KIF26B: variants seen among roughly 807,000 people sequenced by gnomAD.
The protein encoded by KIF26B is kinesin family member 26B, also known as kinesin-like protein KIF26B.
In KIF26B, 63 loss-of-function variants were observed where a neutral mutation model predicts 151.2. The observed-to-expected ratio is 0.42, with a 90% CI of 0.34 to 0.51. KIF26B has a LOEUF of 0.51. Ranked by LOEUF, KIF26B falls within the 20% of genes least tolerant of loss-of-function variation. The probability of loss-of-function intolerance (pLI) is 0.07; values close to 1 mark genes in which losing one functional copy is unlikely to be tolerated. For synonymous variants in KIF26B, 1,357 were observed against 1,262.1 expected (o/e 1.08, Z -1.59); for missense variants, 2,813 against 2,913.6 (o/e 0.97, Z 0.79).
chr1:245,342,127 A>G (rs1004058836), intron 2 of KIF26B, among the ~76,000 whole-genome samples: 1 of 152,228 alleles, frequency 6.6e-6, no homozygotes, highest in African/African-American at 2.4e-5. Context: ...TTGGCCGTAG[A>G]CATTTAATTC....
chr1:245,665,706 CT>C (rs915215890), intron 10 of KIF26B, among the ~76,000 whole-genome samples: 5 of 89,186 alleles, frequency 5.6e-5, no homozygotes, highest in African/African-American at 2.3e-4. Context: ...AACATTATAT[CT>C]TTTTTTTATT....
chr1:245,686,323 G>C lies in KIF26B; in HGVS notation c.3340G>C (p.Ala1114Pro), dbSNP rs749514492. 1 of 1,613,192 alleles carries C rather than the reference G, an allele frequency of 6.2e-7. No individual in the cohort carries two copies. Among genetic ancestry groups the C allele is most frequent in the East Asian group, 2.2e-5 (1 of 44,872 alleles). Residue 1114 changes from alanine (A) to proline (P), a missense_variant, in exon 12 of 15, where the codon GCG (alanine) becomes CCG (proline). Physicochemically the swap from Ala to Pro is conservative, Grantham distance 27. This residue lies in a region of KIF26B where 2,060 missense variants were observed against 2,088.6 expected (regional missense o/e 0.99). Transcript: ENST00000407071. The surrounding 1 kb of genome is among the most constrained non-coding windows in gnomAD (Gnocchi z 5.6). ...TCCCTCGAGCAAGGATTCCGGCGTG[G>C]CGTCTAGGGAGTCCTTGCTGCAGCC... ...LPPSSKDSGV[A>P]SRESLLQPEV...
intron 2 of KIF26B, among the ~76,000 whole-genome samples, chr1:245,286,449 C>T (rs10924153): frequency 0.47 from 72,081 of 151,772 alleles, 17,376 homozygotes; most frequent in East Asian, 0.65. Flanking sequence ...GGGCGAGGCA[C>T]GAGAATTGCT....
At chr1:245,545,243 A>G (rs1404214653) in intron 5 of KIF26B, among the ~76,000 whole-genome samples, 1 of 152,154 alleles carries the variant, frequency 6.6e-6, no homozygotes, top group Non-Finnish European at 1.5e-5. Context: ...CTGGGATTAC[A>G]GGCATGCGCC....
chr1:245,156,493 T>C lies in KIF26B; in HGVS notation c.275T>C (p.Ile92Thr). The C allele has an allele frequency of 6.6e-7, 1 of 1,526,000 alleles. No homozygotes were observed. Among genetic ancestry groups the C allele is most frequent in the Non-Finnish European group, 8.8e-7 (1 of 1,139,660 alleles). The allele number at this position is 1,526,000 out of a possible 1,614,324, so 94.5% of individuals were successfully genotyped here. ...TCCCCGGGACCCGCCTCCCCCGGCA[T>C]CGGCACTAGTTCGCCGGGCTCCTTG... is the stretch of plus-strand genomic sequence containing the variant. ...TGSPGPASPGIGTSSPGSLGG... is the reference protein window; with the variant it reads ...TGSPGPASPGTGTSSPGSLGG... The change falls in exon 2 of 15, where the codon ATC (isoleucine) becomes ACC (threonine). Residue 92 changes from isoleucine to threonine, a missense_variant. This residue lies in a region of KIF26B where 676 missense variants were observed against 688.1 expected (regional missense o/e 0.98). Coordinates refer to ENST00000407071, the MANE Select transcript of KIF26B (RefSeq NM_018012.4).
At chr1:245,285,538 C>T (rs564698250) in intron 2 of KIF26B, among the ~76,000 whole-genome samples, 8 of 151,406 alleles carry the variant, frequency 5.3e-5, no homozygotes, top group Non-Finnish European at 8.8e-5. Flanking sequence ...CATTCTCAAA[C>T]GTTTACATTT....
At chr1:245,392,144 C>G (rs1673716945) in intron 3 of KIF26B, among the ~76,000 whole-genome samples, 1 of 151,940 alleles carries the variant, frequency 6.6e-6, no homozygotes, top group Admixed American at 6.5e-5. Context: ...TTATGAAGAG[C>G]TCCTGAAACG....
chr1:245,577,897 C>T (rs1314283637), intron 5 of KIF26B, among the ~76,000 whole-genome samples: 6 of 150,522 alleles, frequency 4.0e-5, no homozygotes, highest in East Asian at 2.0e-4. Flanking sequence ...TGTGGAACTC[C>T]GGGCGATGCT....
At chr1:245,591,569 A>C (rs1454662499) in intron 5 of KIF26B, among the ~76,000 whole-genome samples, 2 of 152,156 alleles carry the variant, frequency 1.3e-5, no homozygotes, top group Non-Finnish European at 2.9e-5. Context: ...GCTCTAGGCC[A>C]TGTGCCCTGT....
intron 3 of KIF26B, among the ~76,000 whole-genome samples, chr1:245,368,200 A>C (rs1673009199): frequency 1.3e-5 from 2 of 152,222 alleles, no homozygotes; most frequent in African/African-American, 4.8e-5. Context: ...TTGGGCTGCC[A>C]AAACTGTTTC....
chr1:245,185,035 C>T (rs1668976300), intron 2 of KIF26B, among the ~76,000 whole-genome samples: 1 of 152,218 alleles, frequency 6.6e-6, no homozygotes, highest in South Asian at 2.1e-4. Flanking sequence ...AGTTAGCGTT[C>T]AGAGCCAAAT....
In KIF26B at chr1:245,688,037, C is replaced by T; in HGVS notation, c.5054C>T (p.Ala1685Val). The change falls in exon 12 of 15, where the codon GCC becomes GTC. Residue 1685 changes from alanine to valine, a missense_variant. Ala to Val is a moderately conservative substitution (Grantham distance 64). Transcript: ENST00000407071. Reference protein sequence around the residue: ...SHYECLSLERAESLSSVSSRL... With the variant: ...SHYECLSLERVESLSSVSSRL... ...TACGAATGCCTCTCCCTGGAGCGGG[C>T]CGAGAGCCTGTCCTCCGTGAGCTCC... 6.4e-7 allele frequency: 1 copy of T among 1,556,142 alleles called. No individual in the cohort carries two copies. Among genetic ancestry groups the T allele is most frequent in the Non-Finnish European group, 8.7e-7 (1 of 1,150,654 alleles).
chr1:245,166,177 G>A lies in KIF26B; in HGVS notation c.465+9494G>A, dbSNP rs905524082. Among the ~76,000 whole-genome samples, 2 of 152,158 alleles carry A rather than the reference G, an allele frequency of 1.3e-5. No individual in the cohort carries two copies. The highest frequency in any genetic ancestry group is 4.8e-5 in the African/African-American group (2 of 41,440). On this transcript the variant is annotated intron_variant, in intron 2 of 14. Coordinates refer to ENST00000407071, the MANE Select transcript of KIF26B (RefSeq NM_018012.4). The surrounding 1 kb of genome is among the most constrained non-coding windows in gnomAD (Gnocchi z 4.5). ...GATTAGGTGAAATTGTGAGATGCTA[G>A]TCAACCATCGCTTTCTGTTATTATT...
At chr1:245,198,675 C>T (rs1312873500) in intron 2 of KIF26B, among the ~76,000 whole-genome samples, 4 of 149,728 alleles carry the variant, frequency 2.7e-5, no homozygotes, top group African/African-American at 4.9e-5. Flanking sequence ...GAGTCGAGAT[C>T]GAGGTCGCAC....
chr1:245,690,739 CT>C (rs1558275570), intron 12 of KIF26B, among the ~76,000 whole-genome samples: 2 of 146,646 alleles, frequency 1.4e-5, no homozygotes, highest in African/African-American at 2.6e-5. Context: ...CTTTATTTGC[CT>C]GGGGGGGGGG....
At chr1:245,620,299 TA>T (rs1211685135) in intron 9 of KIF26B, among the ~76,000 whole-genome samples, 1 of 152,122 alleles carries the variant, frequency 6.6e-6, no homozygotes, top group African/African-American at 2.4e-5. Context: ...TTTAAGAGCT[TA>T]AAAAAACACT....
chr1:245,312,780 T>G (rs755159996), intron 2 of KIF26B, among the ~76,000 whole-genome samples: 22 of 152,282 alleles, frequency 1.4e-4, no homozygotes, highest in Non-Finnish European at 2.8e-4. Flanking sequence ...TCTTTCTACC[T>G]CACCAGCTGT....
At chr1:245,483,686 G>T (rs1285313099) in intron 4 of KIF26B, among the ~76,000 whole-genome samples, 1 of 151,882 alleles carries the variant, frequency 6.6e-6, no homozygotes, top group Non-Finnish European at 1.5e-5. Context: ...TAGTGAACTT[G>T]TAACAGCAGA....
At chr1:245,672,069 AAC>A (rs753691441) in intron 10 of KIF26B, among the ~76,000 whole-genome samples, 3 of 152,270 alleles carry the variant, frequency 2.0e-5, no homozygotes, top group African/African-American at 7.2e-5. Flanking sequence ...TCAATGAAGT[AAC>A]ACACACAGCC....
Sources: gnomAD v4.1 joint callset for allele counts (sites outside exome capture counted in the v4.1 genomes callset) on GRCh38, gnomAD v4.1.1 for gene constraint, gnomAD v4.1.1 regional missense constraint, Gnocchi (gnomAD v3.1) non-coding constraint, MANE v1.5 for transcripts, NCBI Gene and HGNC (gene_info 2026-07-23, HGNC 2026-07-21) for gene names.